Variants in UBE2H observed in about 807,000 individuals in gnomAD.
UBE2H encodes ubiquitin conjugating enzyme E2 H.
In UBE2H, 3 loss-of-function variants were observed where a neutral mutation model predicts 29.0. That is an observed-to-expected ratio of 0.10 (90% CI 0.05 to 0.27). UBE2H has a LOEUF of 0.27. Ranked by LOEUF, UBE2H falls within the 10% of genes least tolerant of loss-of-function variation. The probability of loss-of-function intolerance (pLI) is 1.00; values close to 1 mark genes in which losing one functional copy is unlikely to be tolerated. For missense variants in UBE2H, 68 were observed against 228.2 expected (o/e 0.30, Z 4.52); for synonymous variants, 69 against 82.9 (o/e 0.83, Z 0.91).
rs753766176 is a variant in UBE2H, at chr7:129,857,604, A to C, written c.246-41T>G. 21 of 1,598,158 alleles carry C rather than the reference A, an allele frequency of 1.3e-5. No homozygotes were observed. The South Asian group carries it at 2.4e-4, about 18-fold the overall frequency. On this transcript the variant is annotated intron_variant, in intron 4 of 6. Coordinates refer to ENST00000355621, the MANE Select transcript of UBE2H (RefSeq NM_003344.4). ...AGAATGGCATGTTTTTAAAAATTAG[A>C]AAGTTAGTTGCATGTATCTGGCAAC...
intron 1 of UBE2H, among the ~76,000 whole-genome samples, chr7:129,928,508 C>T (rs543733160): frequency 7.2e-4 from 110 of 152,290 alleles, no homozygotes; most frequent in Admixed American, 8.5e-4. Context: ...AAGCCTGAGG[C>T]AGAAGAATTG....
intron 3 of UBE2H, among the ~76,000 whole-genome samples, chr7:129,879,214 A>G (rs1365842123): frequency 6.6e-6 from 1 of 152,228 alleles, no homozygotes; most frequent in Non-Finnish European, 1.5e-5. Flanking sequence ...TAAAACACAT[A>G]CTATGTAACA....
At chr7:129,933,162 CACAT>C (rs1267616112) in intron 1 of UBE2H, among the ~76,000 whole-genome samples, 1 of 152,014 alleles carries the variant, frequency 6.6e-6, no homozygotes, top group Non-Finnish European at 1.5e-5. Context: ...AAGAAAAGGC[CACAT>C]ACTTTTATGG....
intron 5 of UBE2H, among the ~76,000 whole-genome samples, chr7:129,851,179 G>C (rs1259437056): frequency 6.6e-6 from 1 of 152,156 alleles, no homozygotes; most frequent in Non-Finnish European, 1.5e-5. Flanking sequence ...AGATCACAAT[G>C]AAGAAAACAA....
At chr7:129,892,779 C>A (rs1431551500) in intron 1 of UBE2H, among the ~76,000 whole-genome samples, 1 of 151,900 alleles carries the variant, frequency 6.6e-6, no homozygotes, top group Non-Finnish European at 1.5e-5. Flanking sequence ...GGGCTACTAT[C>A]CTTTAAAATG....
At chr7:129,839,372 G>C (rs1805384902) in intron 5 of UBE2H, 37 bp from the exon 6 acceptor site, 2 of 1,608,708 alleles carry the variant, frequency 1.2e-6, no homozygotes, top group East Asian at 4.5e-5. Context: ...CATGGGAAAT[G>C]CAAGTTCACC....
intron 1 of UBE2H, 89 bp from the exon 2 acceptor site, chr7:129,881,060 T>C (rs1806243095): frequency 8.7e-7 from 1 of 1,154,772 alleles, no homozygotes; most frequent in Non-Finnish European, 1.2e-6. Context: ...ACTTAAAGTG[T>C]TACCAAAATT....
intron 1 of UBE2H, among the ~76,000 whole-genome samples, chr7:129,948,175 TAA>T (rs1361163304): frequency 6.6e-6 from 1 of 150,994 alleles, no homozygotes; most frequent in Non-Finnish European, 1.5e-5. Context: ...TTTTTTTAAT[TAA>T]GAGAGTCTTG....
At chr7:129,866,754 G>T (rs1805911697) in intron 3 of UBE2H, among the ~76,000 whole-genome samples, 2 of 152,128 alleles carry the variant, frequency 1.3e-5, no homozygotes, top group African/African-American at 4.8e-5. Context: ...TTTTAAAAAG[G>T]ACCAGGCTCC....
At chr7:129,887,680 T>TGTAATCCCAG (rs376637404) in intron 1 of UBE2H, among the ~76,000 whole-genome samples, 1 of 150,630 alleles carries the variant, frequency 6.6e-6, no homozygotes, top group Admixed American at 6.6e-5. Flanking sequence ...GGCTCACACC[T>TGTAATCCCAG]CCTGAGGTCG....
intron 1 of UBE2H, among the ~76,000 whole-genome samples, chr7:129,922,573 A>T (rs75576209): frequency 6.6e-6 from 1 of 152,146 alleles, no homozygotes; most frequent in Non-Finnish European, 1.5e-5. Flanking sequence ...CACTGTGCCC[A>T]GAAAAACAGT....
At chr7:129,940,327 C>A (rs528273805) in intron 1 of UBE2H, among the ~76,000 whole-genome samples, 1 of 152,232 alleles carries the variant, frequency 6.6e-6, no homozygotes, top group East Asian at 1.9e-4. Context: ...AAGTTAGAAA[C>A]CAGGAGATTG....
intron 1 of UBE2H, among the ~76,000 whole-genome samples, chr7:129,890,250 T>C (rs1806448749): frequency 6.6e-6 from 1 of 151,634 alleles, no homozygotes; most frequent in South Asian, 2.1e-4. Flanking sequence ...TACACACGTA[T>C]ACATACACAC....
At chr7:129,949,979 C>G (rs1807842097) in intron 1 of UBE2H, among the ~76,000 whole-genome samples, 1 of 152,168 alleles carries the variant, frequency 6.6e-6, no homozygotes, top group African/African-American at 2.4e-5. Context: ...TCTCAACCCC[C>G]AGCCTTTTCA....
At chr7:129,868,637 T>C (rs557407281) in intron 3 of UBE2H, among the ~76,000 whole-genome samples, 10 of 141,154 alleles carry the variant, frequency 7.1e-5, no homozygotes, top group African/African-American at 2.4e-4. Flanking sequence ...AGTCCTCTGA[T>C]AGTAACAAGC....
chr7:129,935,878 G>A (rs769944955), intron 1 of UBE2H, among the ~76,000 whole-genome samples: 14 of 152,034 alleles, frequency 9.2e-5, no homozygotes, highest in East Asian at 1.9e-4. Flanking sequence ...AATCTGAAGC[G>A]GTACAGTCAA....
intron 1 of UBE2H, among the ~76,000 whole-genome samples, chr7:129,908,137 T>C (rs1173822476): frequency 1.3e-5 from 2 of 152,230 alleles, no homozygotes; most frequent in Non-Finnish European, 2.9e-5. Flanking sequence ...TTCCTCGACA[T>C]TTCTTCTCAC....
intron 1 of UBE2H, among the ~76,000 whole-genome samples, chr7:129,911,398 GAACA>G (rs1806934342): frequency 6.6e-6 from 1 of 150,958 alleles, no homozygotes; most frequent in African/African-American, 2.4e-5. Flanking sequence ...AATGAGGACA[GAACA>G]AACAGGATGA....
At position 129,839,245 on chromosome 7, in the gene UBE2H, T is replaced by G; in HGVS notation, c.389A>C (p.Tyr130Ser). 6.2e-7 allele frequency: 1 copy of G among 1,613,938 alleles called. No homozygotes were observed. Among genetic ancestry groups the G allele is most frequent in the Non-Finnish European group, 8.5e-7 (1 of 1,179,952 alleles). ...CTTGTATTCTTCTGGTCGGTGGAGG[T>G]ACATGGCTGCAGCGTCACCATTGAG... ...DPLNGDAAAM[Y>S]LHRPEEYKQK... Residue 130 changes from tyrosine (Y) to serine (S), a missense_variant, in exon 6 of 7, where the codon TAC becomes TCC. By Grantham distance (144) the Tyr-to-Ser change is moderately radical. Coordinates refer to ENST00000355621, the MANE Select transcript of UBE2H (RefSeq NM_003344.4).
Sources: gnomAD v4.1 joint callset for allele counts (sites outside exome capture counted in the v4.1 genomes callset) on GRCh38, gnomAD v4.1.1 for gene constraint, MANE v1.5 for transcripts, NCBI Gene and HGNC (gene_info 2026-07-23, HGNC 2026-07-21) for gene names.